Variants in MYO18B observed in about 807,000 individuals in gnomAD.
MYO18B encodes myosin XVIIIB, also known as unconventional myosin-XVIIIb.
A neutral mutation model predicts 273.0 loss-of-function variants in MYO18B; 204 were observed. The ratio of observed to expected loss-of-function variants is 0.75; its 90% CI spans 0.67 to 0.84. The LOEUF (loss-of-function observed/expected upper bound fraction) is 0.84, where lower values mean the gene tolerates loss of function less well. Among genes scored for constraint, MYO18B ranks in the 40% least tolerant of loss-of-function variants. The pLI, the probability that MYO18B is intolerant of heterozygous loss-of-function variation, is 0.00. For synonymous variants in MYO18B, 1,330 were observed against 1,305.7 expected (o/e 1.02, Z -0.40); for missense variants, 3,212 against 3,287.6 (o/e 0.98, Z 0.56).
At position 25,768,426 on chromosome 22, in the gene MYO18B, T is replaced by C. The variant is rs759134838; in HGVS notation, c.510T>C (p.Thr170=). The change falls in exon 4 of 44, where the codon ACT becomes ACC. Residue 170 remains threonine (T), a synonymous_variant. Transcript: ENST00000335473. ...LDPDSAKPEK[T]HPHDAPPCKT... Reference sequence around the variant, plus strand: ...CGGACTCAGCCAAGCCAGAGAAGACTCATCCCCATGACGCCCCCCCTTGCA... The same window carrying C: ...CGGACTCAGCCAAGCCAGAGAAGACCCATCCCCATGACGCCCCCCCTTGCA... 2 of 1,612,728 alleles carry C rather than the reference T, an allele frequency of 1.2e-6. No homozygotes were observed. Among genetic ancestry groups the C allele is most frequent in the Non-Finnish European group, 1.7e-6 (2 of 1,179,520 alleles).
intron 16 of MYO18B, among the ~76,000 whole-genome samples, chr22:25,833,975 G>A (rs1353766931): frequency 2.6e-5 from 4 of 152,076 alleles, no homozygotes; most frequent in Non-Finnish European, 5.9e-5. Context: ...TGTTGTCAGT[G>A]TGTTCTTCTG....
At chr22:26,014,838 G>T (rs1289772286) in intron 42 of MYO18B, among the ~76,000 whole-genome samples, 1 of 151,878 alleles carries the variant, frequency 6.6e-6, no homozygotes, top group East Asian at 1.9e-4. Context: ...ACATATGCTT[G>T]TTGGTCACAT....
rs1395937179 is a variant in MYO18B, at chr22:25,846,280, G to T, written c.3549G>T (p.Gln1183His). The change falls in exon 19 of 44, where the codon CAG becomes CAT. Residue 1183 changes from glutamine to histidine, a missense_variant. Coordinates refer to ENST00000335473, the MANE Select transcript of MYO18B (RefSeq NM_032608.7). ...CCCCGTGCTCCCAGATCAAGCTGCA[G>T]ATGGTGAGTGGGCACCCTGTCTCAT... ...RKAPCSQIKLQMDALTSMIKR... is the reference protein window; with the variant it reads ...RKAPCSQIKLHMDALTSMIKR... 1.2e-5 allele frequency: 19 copies of T among 1,611,228 alleles called. No individual in the cohort carries two copies. Among genetic ancestry groups the T allele is most frequent in the Non-Finnish European group, 1.6e-5 (19 of 1,179,774 alleles).
chr22:25,834,345 G>C lies in MYO18B; in HGVS notation c.3061-951G>C, dbSNP rs148898018. 1.4e-3 allele frequency among the ~76,000 whole-genome samples: 206 copies of C among 152,102 alleles called. 1 individual carries two copies. Among genetic ancestry groups the C allele is most frequent in the African/African-American group, 4.6e-3 (189 of 41,496 alleles). ...TATTTTCTGAGGACCTTCTGAGCGT[G>C]GGCTGGCTATCAGTTTCAGCCCCAA... On this transcript the variant is annotated intron_variant, in intron 16 of 43. Transcript: ENST00000335473.
chr22:25,860,984 G>A (rs2090716676), intron 21 of MYO18B, among the ~76,000 whole-genome samples: 1 of 152,004 alleles, frequency 6.6e-6, no homozygotes, highest in Non-Finnish European at 1.5e-5. Flanking sequence ...GACTTCCTGG[G>A]CTCAAGCGAT....
At chr22:25,862,574 A>C (rs1601390116) in intron 21 of MYO18B, among the ~76,000 whole-genome samples, 1 of 152,148 alleles carries the variant, frequency 6.6e-6, no homozygotes, top group African/African-American at 2.4e-5. Flanking sequence ...TCATTTTTGA[A>C]GAATAATTTT....
At chr22:25,973,146 G>A (rs2093053495) in intron 39 of MYO18B, among the ~76,000 whole-genome samples, 2 of 152,186 alleles carry the variant, frequency 1.3e-5, no homozygotes, top group South Asian at 4.2e-4. Flanking sequence ...GGTGCTTCCA[G>A]TGTGGGGTCC....
At chr22:25,862,587 C>G (rs1043440556) in intron 21 of MYO18B, among the ~76,000 whole-genome samples, 4 of 152,150 alleles carry the variant, frequency 2.6e-5, no homozygotes, top group African/African-American at 7.2e-5. Context: ...ATAATTTTGC[C>G]AGATACGGAA....
chr22:25,763,001 A>G (rs906576219), intron 2 of MYO18B: 1 of 706,804 alleles, frequency 1.4e-6, no homozygotes, highest in African/African-American at 1.7e-5. Flanking sequence ...CAGAAATCAC[A>G]TTGACCCGCA....
At chr22:25,749,544 C>T (rs2085876231) in intron 1 of MYO18B, among the ~76,000 whole-genome samples, 1 of 152,210 alleles carries the variant, frequency 6.6e-6, no homozygotes, top group South Asian at 2.1e-4. Context: ...CTCCCAGAGC[C>T]TTCCATTGGC....
intron 12 of MYO18B, among the ~76,000 whole-genome samples, chr22:25,811,696 G>T (rs146430920): frequency 6.6e-6 from 1 of 152,014 alleles, no homozygotes; most frequent in Non-Finnish European, 1.5e-5. Flanking sequence ...GATTCTCTTC[G>T]TCAGCTGCAG....
At chr22:25,968,115 C>T (rs1018765712) in intron 39 of MYO18B, among the ~76,000 whole-genome samples, 1 of 152,158 alleles carries the variant, frequency 6.6e-6, no homozygotes, top group Non-Finnish European at 1.5e-5. Context: ...AGGCTATCAA[C>T]CTCAACAGAA....
intron 17 of MYO18B, among the ~76,000 whole-genome samples, chr22:25,840,052 C>A (rs2090036243): frequency 6.6e-6 from 1 of 152,210 alleles, no homozygotes; most frequent in East Asian, 1.9e-4. Context: ...CCTCGCTACC[C>A]CATCACAACT....
At chr22:25,847,386 T>C in intron 19 of MYO18B, 44 bp from the exon 20 acceptor site, 1 of 1,513,122 alleles carries the variant, frequency 6.6e-7, no homozygotes. Context: ...CCTTTCTGTG[T>C]CTCTGTGAGA....
chr22:25,821,276 A>G (rs1601798914), intron 12 of MYO18B, among the ~76,000 whole-genome samples: 1 of 149,248 alleles, frequency 6.7e-6, no homozygotes, highest in South Asian at 2.1e-4. Context: ...ACTAGTTTAC[A>G]TTCCCACCAA....
chr22:25,994,434 C>T lies in MYO18B; in HGVS notation c.6287+1941C>T, dbSNP rs141643244. Among the ~76,000 whole-genome samples, 3 of 152,308 alleles carry T rather than the reference C, an allele frequency of 2.0e-5. No individual in the cohort carries two copies. The East Asian group carries it at 5.8e-4, about 29-fold the overall frequency. On this transcript the variant is annotated intron_variant, in intron 40 of 43. Transcript: ENST00000335473. ...TGAGCTGTGATCTGTGATTGTGCCA[C>T]TGCACTCCAGCCTGGGTGACAGAGC...
chr22:26,060,929 A>G, the MYO18B span, among the ~76,000 whole-genome samples: 2 of 152,116 alleles, frequency 1.3e-5, no homozygotes, highest in Non-Finnish European at 2.9e-5. Flanking sequence ...ACACACATAC[A>G]TTCACACATA....
intron 25 of MYO18B, among the ~76,000 whole-genome samples, chr22:25,880,696 C>T (rs1291395416): frequency 6.6e-6 from 1 of 152,258 alleles, no homozygotes; most frequent in African/African-American, 2.4e-5. Flanking sequence ...CCTGTCCTTA[C>T]ACAAGGTCTC....
At chr22:25,810,900 T>A (rs774032455) in intron 12 of MYO18B, among the ~76,000 whole-genome samples, 20 of 152,220 alleles carry the variant, frequency 1.3e-4, no homozygotes, top group Non-Finnish European at 2.5e-4. Flanking sequence ...CTATACTCTT[T>A]CTGTTGTGTT....
Sources: gnomAD v4.1 joint callset for allele counts (sites outside exome capture counted in the v4.1 genomes callset) on GRCh38, gnomAD v4.1.1 for gene constraint, MANE v1.5 for transcripts, NCBI Gene and HGNC (gene_info 2026-07-23, HGNC 2026-07-21) for gene names.